Variants in ENOX1 observed in about 807,000 individuals in gnomAD.
ENOX1 encodes the protein candidate growth-related and time keeping constitutive hydroquinone (NADH) oxidase.
In ENOX1, 42 loss-of-function variants were observed where a neutral mutation model predicts 82.5. That is an observed-to-expected ratio of 0.51 (90% CI 0.40 to 0.66). ENOX1 has a LOEUF of 0.66. ENOX1 is among the 30% of genes least tolerant of loss of function. The probability of loss-of-function intolerance (pLI) is 0.00; values close to 1 mark genes in which losing one functional copy is unlikely to be tolerated. For missense variants in ENOX1, 608 were observed against 811.6 expected (o/e 0.75, Z 3.05); for synonymous variants, 271 against 282.2 (o/e 0.96, Z 0.40).
At chr13:43,384,447 G>A (rs999531550) in intron 5 of ENOX1, among the ~76,000 whole-genome samples, 7 of 152,162 alleles carry the variant, frequency 4.6e-5, no homozygotes, top group Admixed American at 2.0e-4. Flanking sequence ...TGTGTAAAAT[G>A]CATCTATATA....
intron 1 of ENOX1, among the ~76,000 whole-genome samples, chr13:43,785,336 T>A (rs1461159441): frequency 6.6e-6 from 1 of 152,092 alleles, no homozygotes; most frequent in Non-Finnish European, 1.5e-5. Context: ...CTCACCTGCG[T>A]CTCTCCTCCA....
At chr13:43,615,883 G>A (rs2082387001) in intron 2 of ENOX1, among the ~76,000 whole-genome samples, 1 of 151,542 alleles carries the variant, frequency 6.6e-6, no homozygotes, top group African/African-American at 2.4e-5. Flanking sequence ...GAGAATGATG[G>A]TTTCCAGCTA....
intron 2 of ENOX1, among the ~76,000 whole-genome samples, chr13:43,556,360 T>G (rs1161076402): frequency 6.6e-6 from 1 of 152,196 alleles, no homozygotes; most frequent in Non-Finnish European, 1.5e-5. Flanking sequence ...ACGTATTTCC[T>G]CACTTACAGA....
intron 1 of ENOX1, among the ~76,000 whole-genome samples, chr13:43,678,080 A>G (rs2085599636): frequency 6.6e-6 from 1 of 152,162 alleles, no homozygotes; most frequent in Admixed American, 6.5e-5. Flanking sequence ...ATGTGCATAC[A>G]ATATATCCAG....
At chr13:43,564,215 G>A (rs1002289975) in intron 2 of ENOX1, among the ~76,000 whole-genome samples, 3 of 151,984 alleles carry the variant, frequency 2.0e-5, no homozygotes, top group African/African-American at 7.2e-5. Flanking sequence ...AAAATGAAAA[G>A]ATATTCCATG....
rs1255870373 is a variant in ENOX1 at position 43,598,783 on chromosome 13, A to G, written c.-219+68696T>C. Among the ~76,000 whole-genome samples the G allele has an allele frequency of 2.9e-5, 4 of 139,194 alleles. No individual in the cohort carries two copies. The East Asian group carries it at 6.4e-4, about 22-fold the overall frequency. The allele number at this position is 139,194 out of a possible 152,430, so 91.3% of individuals were successfully genotyped here. On this transcript the variant is annotated intron_variant, in intron 2 of 16. Coordinates refer to ENST00000690772, the MANE Select transcript of ENOX1 (RefSeq NM_001347969.2). ...CATGTTTAAGAAGACCCCTTTAAAA[A>G]CACGTTGTTTAGAAAGTAAAAATTT...
chr13:43,747,910 G>T (rs565974102), intron 1 of ENOX1, among the ~76,000 whole-genome samples: 1 of 152,096 alleles, frequency 6.6e-6, no homozygotes, highest in Non-Finnish European at 1.5e-5. Flanking sequence ...GAAATTTAGC[G>T]TTTGCTTCAA....
chr13:43,446,520 T>C (rs2153627593), intron 3 of ENOX1, among the ~76,000 whole-genome samples: 1 of 152,294 alleles, frequency 6.6e-6, no homozygotes, highest in East Asian at 1.9e-4. Flanking sequence ...CTTAAATGCC[T>C]ACTGGGCTGA....
chr13:43,381,307 G>A (rs9316018), intron 5 of ENOX1, among the ~76,000 whole-genome samples: 144,750 of 151,590 alleles, frequency 0.95, 69,475 homozygotes, highest in East Asian at 1. Flanking sequence ...TGAATAGCCT[G>A]TAGGTCAAAC....
intron 2 of ENOX1, among the ~76,000 whole-genome samples, chr13:43,663,065 G>A (rs554183627): frequency 2.5e-3 from 387 of 152,158 alleles, no homozygotes; most frequent in Non-Finnish European, 4.8e-3. Flanking sequence ...AAATCTAGTA[G>A]AGTAAATGAT....
At chr13:43,295,309 G>A (rs922859974) in intron 12 of ENOX1, among the ~76,000 whole-genome samples, 5 of 152,152 alleles carry the variant, frequency 3.3e-5, no homozygotes, top group African/African-American at 1.2e-4. Flanking sequence ...ATGGATACAA[G>A]CTCTTATTCT....
chr13:43,700,615 C>T (rs2086858997), intron 1 of ENOX1, among the ~76,000 whole-genome samples: 1 of 152,080 alleles, frequency 6.6e-6, no homozygotes, highest in Non-Finnish European at 1.5e-5. Context: ...GGATCATAAT[C>T]CTGAAAGATA....
intron 2 of ENOX1, among the ~76,000 whole-genome samples, chr13:43,540,420 T>C (rs2078655460): frequency 6.6e-6 from 1 of 152,128 alleles, no homozygotes; most frequent in East Asian, 1.9e-4. Flanking sequence ...GGCTCTCGAA[T>C]GCAGTTTCAG....
chr13:43,272,565 G>T (rs1257257754), intron 12 of ENOX1, among the ~76,000 whole-genome samples: 1 of 152,108 alleles, frequency 6.6e-6, no homozygotes, highest in African/African-American at 2.4e-5. Context: ...GTACTTCTTT[G>T]ATTCCCTGTG....
At chr13:43,675,557 T>C (rs73186155) in intron 1 of ENOX1, among the ~76,000 whole-genome samples, 20,877 of 152,234 alleles carry the variant, frequency 0.14, 1,893 homozygotes, top group East Asian at 0.33. Flanking sequence ...TATGTTTTAA[T>C]ACTGTTTCTG....
rs570003801 is a variant in ENOX1, at chr13:43,249,743, TGAGAAA to T, written c.1612-13011_1612-13006del. 6.5e-4 allele frequency among the ~76,000 whole-genome samples: 99 copies of T among 152,258 alleles called. 1 individual carries two copies. Among genetic ancestry groups the T allele is most frequent in the African/African-American group, 2.3e-3 (95 of 41,546 alleles). On this transcript the variant is annotated intron_variant, in intron 14 of 16. Transcript: ENST00000690772. Reference sequence around the variant, plus strand: ...AATAGATGGGACACAATCTGATAAATGAGAAAGAGAAAGATTTGATTATTATTAAAG... The same window carrying T: ...AATAGATGGGACACAATCTGATAAATGAGAAAGATTTGATTATTATTAAAG...
Position 43,213,964 on chromosome 13 carries a change from T to C in ENOX1, c.*26A>G. On this transcript the variant is annotated 3_prime_UTR_variant, in exon 17 of 17. Transcript: ENST00000690772. ...CCTGGCCAGGTTCACATGGTTTCAT[T>C]TCCAGAGATGCTTTGCTCTTCGCAG... 6.2e-7 allele frequency: 1 copy of C among 1,608,798 alleles called. No homozygotes were observed.
At chr13:43,313,438 G>C (rs958213187) in intron 11 of ENOX1, among the ~76,000 whole-genome samples, 1 of 152,032 alleles carries the variant, frequency 6.6e-6, no homozygotes, top group Non-Finnish European at 1.5e-5. Flanking sequence ...TACTATTCTT[G>C]ACTTTCCAGA....
chr13:43,591,139 T>G (rs1292173346), intron 2 of ENOX1, among the ~76,000 whole-genome samples: 2 of 152,188 alleles, frequency 1.3e-5, no homozygotes, highest in East Asian at 3.8e-4. Flanking sequence ...ATGTATTATT[T>G]CCCAGAAAAC....
Sources: allele counts gnomAD v4.1 joint callset (sites outside exome capture counted in the v4.1 genomes callset), GRCh38; gene constraint gnomAD v4.1.1; transcripts MANE v1.5; gene names NCBI Gene and HGNC (gene_info 2026-07-23, HGNC 2026-07-21).